The following COL5A3 variants were observed in gnomAD, a reference collection of about 807,000 sequenced individuals.
COL5A3 encodes the protein collagen alpha-3(V) chain.
In COL5A3, 172 loss-of-function variants were observed where a neutral mutation model predicts 250.0. That is an observed-to-expected ratio of 0.69 (90% CI 0.61 to 0.78). The LOEUF (loss-of-function observed/expected upper bound fraction) is 0.78. COL5A3 is among the 30% of genes least tolerant of loss of function. The pLI is 0.00. For missense variants in COL5A3, 2,340 were observed against 2,334.4 expected (o/e 1.00, Z -0.05); for synonymous variants, 937 against 900.4 (o/e 1.04, Z -0.73).
chr19:10,005,216 G>T (rs916816997), intron 4 of COL5A3, among the ~76,000 whole-genome samples: 13 of 152,106 alleles, frequency 8.5e-5, no homozygotes, highest in African/African-American at 2.9e-4. Flanking sequence ...AATTAGCTGG[G>T]CGTGGTGGCA....
At position 9,991,814 on chromosome 19, in the gene COL5A3, C is replaced by G; in HGVS notation, c.1921G>C (p.Gly641Arg). The change falls in exon 23 of 67, where the codon GGA (glycine) becomes CGA (arginine). Residue 641 changes from glycine (G) to arginine (R), a missense_variant. By Grantham distance (125) the Gly-to-Arg change is moderately radical. Coordinates refer to ENST00000264828, the MANE Select transcript of COL5A3 (RefSeq NM_015719.4). ...TGGGACCCATGGTTTCCCTGCTGTC[C>G]CGGAGGGCCTGGTTCTCCTGGAGGA... ...VGPPGEPGPPGQQGNHGSQGL... is the reference protein window; with the variant it reads ...VGPPGEPGPPRQQGNHGSQGL... The G allele has an allele frequency of 6.2e-7, 1 of 1,608,820 alleles. No homozygotes were observed. The highest frequency in any genetic ancestry group is 8.5e-7 in the Non-Finnish European group (1 of 1,177,742).
intron 65 of COL5A3, among the ~76,000 whole-genome samples, chr19:9,961,329 A>G (rs2086669200): frequency 1.3e-5 from 2 of 152,066 alleles, no homozygotes; most frequent in Admixed American, 6.6e-5. Flanking sequence ...GGCTGATTTG[A>G]AGGAGGGATT....
chr19:9,969,663 C>T lies in COL5A3; in HGVS notation c.4010G>A (p.Gly1337Glu), dbSNP rs868047902. ...KGAKGEPGPD[G>E]PPGRTGPMGA... is the part of the protein sequence containing the mutation. ...CATTGGACCCGTCCTCCCTGGGGGC[C>T]CATCAGGACCTGGCTCCCCCTGAAA... is the stretch of plus-strand genomic sequence containing the variant. Residue 1337 changes from glycine to glutamate, a missense_variant, in exon 56 of 67, where the codon GGG becomes GAG. By Grantham distance (98) the Gly-to-Glu change is moderately conservative. Transcript: ENST00000264828. The T allele has an allele frequency of 6.3e-7, 1 of 1,586,938 alleles. No homozygotes were observed. Among genetic ancestry groups the T allele is most frequent in the South Asian group, 1.2e-5 (1 of 86,622 alleles).
chr19:9,992,403 C>CT (rs754243301), intron 21 of COL5A3, among the ~76,000 whole-genome samples: 1 of 147,554 alleles, frequency 6.8e-6, no homozygotes, highest in Non-Finnish European at 1.5e-5. Flanking sequence ...GAGCAAAACT[C>CT]TGTCTAAAAA....
chr19:9,978,305 C>G (rs1460026648), intron 41 of COL5A3, among the ~76,000 whole-genome samples: 1 of 151,316 alleles, frequency 6.6e-6, no homozygotes, highest in Admixed American at 6.6e-5. Context: ...CTCATTGCAA[C>G]CTCCACCTCC....
rs771676967 is a variant in COL5A3 at position 9,979,974 on chromosome 19, A to G, written c.2658+20T>C. On this transcript the variant is annotated intron_variant, in intron 36 of 66. Coordinates refer to ENST00000264828, the MANE Select transcript of COL5A3 (RefSeq NM_015719.4). Reference sequence around the variant, plus strand: ...ACATCCTCCACCCACCCAACCCCCAATGAGGGTGACCTCACTCACAGGGGG... The same window carrying G: ...ACATCCTCCACCCACCCAACCCCCAGTGAGGGTGACCTCACTCACAGGGGG... 5.7e-6 allele frequency: 9 copies of G among 1,579,422 alleles called. No individual in the cohort carries two copies. The highest frequency in any genetic ancestry group is 4.6e-5 in the East Asian group (2 of 43,714).
chr19:9,984,848 T>A (rs1281544238), intron 31 of COL5A3, among the ~76,000 whole-genome samples: 3 of 151,756 alleles, frequency 2.0e-5, no homozygotes, highest in Admixed American at 2.0e-4. Flanking sequence ...TGGGGTGCAG[T>A]GGCTCGATCA....
At chr19:9,973,077 A>G (rs1334676090) in intron 50 of COL5A3, 51 bp from the exon 51 acceptor site, 10 of 1,485,192 alleles carry the variant, frequency 6.7e-6, no homozygotes, top group Non-Finnish European at 9.2e-6. Flanking sequence ...TCCAGGGATC[A>G]AGGATTAGCA....
At chr19:9,974,472 C>G in intron 45 of COL5A3, 64 bp from the exon 46 acceptor site, 1 of 1,258,796 alleles carries the variant, frequency 7.9e-7, no homozygotes, top group Admixed American at 2.5e-5. Context: ...GAGTGAGGCT[C>G]AAGGGTCAAG....
chr19:9,972,892 C>G (rs770016112), intron 51 of COL5A3, 27 bp downstream of exon 51: 2 of 1,518,914 alleles, frequency 1.3e-6, no homozygotes, highest in Non-Finnish European at 1.8e-6. Flanking sequence ...CCTCCCATGT[C>G]TGCCCCCACT....
intron 49 of COL5A3, 47 bp from the exon 50 acceptor site, chr19:9,973,670 C>A: frequency 6.2e-7 from 1 of 1,610,676 alleles, no homozygotes; most frequent in Non-Finnish European, 8.5e-7. Flanking sequence ...TCCTAGCAGA[C>A]AGGGAGGGGC....
chr19:9,986,701 C>T lies in COL5A3; in HGVS notation c.2190+13G>A, dbSNP rs766849196. ...GGACTCCCTCTCCTCTGATGAGTTCCTTCTCTCCTCACCTTCTCGCCTTTC... is the reference window on the plus strand; with the variant it reads ...GGACTCCCTCTCCTCTGATGAGTTCTTTCTCTCCTCACCTTCTCGCCTTTC... On this transcript the variant is annotated intron_variant, in intron 28 of 66. Coordinates refer to ENST00000264828, the MANE Select transcript of COL5A3 (RefSeq NM_015719.4). The T allele has an allele frequency of 1.2e-6, 2 of 1,613,906 alleles. No homozygotes were observed. Among genetic ancestry groups the T allele is most frequent in the Middle Eastern group, 1.6e-4 (1 of 6,062 alleles).
intron 47 of COL5A3, 41 bp from the exon 48 acceptor site, chr19:9,974,013 CT>C (rs749978017): frequency 6.6e-7 from 1 of 1,525,266 alleles, no homozygotes; most frequent in Non-Finnish European, 8.8e-7. Flanking sequence ...CCCCAGGCCC[CT>C]CTCCCCAAAA....
chr19:9,966,598 G>A lies in COL5A3; in HGVS notation c.4607C>T (p.Thr1536Ile). Residue 1536 changes from threonine to isoleucine, a missense_variant, in exon 63 of 67, where the codon ACT becomes ATT. Physicochemically the swap from Thr to Ile is moderately conservative, Grantham distance 89 (BLOSUM62 -1). Around this residue, in one of 3 missense-constraint regions of COL5A3, gnomAD observed 1,179 missense variants for 1,162.6 expected, o/e 1.01. Transcript: ENST00000264828. ...ELEQLRRPPG[T>I]AERPGLVCHE... ...GCACACGAGGCCCGGGCGCTCCGCA[G>A]TGCCGGGAGGACGCCGCAGCTGCTC... 1 of 1,540,558 alleles carries A rather than the reference G, an allele frequency of 6.5e-7. No individual in the cohort carries two copies. Among genetic ancestry groups the A allele is most frequent in the Non-Finnish European group, 8.7e-7 (1 of 1,147,164 alleles).
rs756469748 is a variant in COL5A3, at chr19:9,962,814, C to T, written c.4851+5G>A. The T allele has an allele frequency of 2.5e-6, 4 of 1,608,470 alleles. No homozygotes were observed. Among genetic ancestry groups the T allele is most frequent in the Non-Finnish European group, 3.4e-6 (4 of 1,177,022 alleles). The stretch of plus-strand genomic sequence containing the variant: ...TCACTCCCCATCTCGGCCTCGGTGA[C>T]TCACCTTCTTCCCTCGACGGAATGT... On this transcript the variant is annotated splice_donor_5th_base_variant and intron_variant, in intron 65 of 66. Transcript: ENST00000264828.
Position 9,999,373 on chromosome 19 carries a change from T to A in COL5A3, c.1111-1224A>T, listed in dbSNP as rs547786173. ...CATGCCCAGCTATTTTTTATTTTAT[T>A]TTTTTGTAGAGACAGGGTCTTGCTA... On this transcript the variant is annotated intron_variant, in intron 8 of 66. Transcript: ENST00000264828. 4.7e-3 allele frequency among the ~76,000 whole-genome samples: 705 copies of A among 151,104 alleles called. 11 individuals carry two copies. Among genetic ancestry groups the A allele is most frequent in the African/African-American group, 0.016 (637 of 40,736 alleles).
At chr19:9,967,454 C>A in intron 61 of COL5A3, 54 bp from the exon 62 acceptor site, 1 of 1,260,764 alleles carries the variant, frequency 7.9e-7, no homozygotes, top group Non-Finnish European at 1.1e-6. Flanking sequence ...ACCCTTCCCA[C>A]CAACATACAC....
At chr19:9,990,392 C>CAA (rs879496349) in intron 24 of COL5A3, among the ~76,000 whole-genome samples, 17 of 81,816 alleles carry the variant, frequency 2.1e-4, no homozygotes, top group Non-Finnish European at 2.6e-4. Flanking sequence ...GAAATTCTGT[C>CAA]AAAAAAAAAA....
chr19:9,992,862 C>G lies in COL5A3; in HGVS notation c.1813G>C (p.Gly605Arg). The change falls in exon 21 of 67, where the codon GGC becomes CGC. Residue 605 changes from glycine to arginine, a missense_variant. Around this residue, in one of 3 missense-constraint regions of COL5A3, gnomAD observed 1,152 missense variants for 1,146.3 expected, o/e 1.00. Coordinates refer to ENST00000264828, the MANE Select transcript of COL5A3 (RefSeq NM_015719.4). ...GTGGGGCCAGGAGAGCCTCTGGGGC[C>G]AAGCAGTCCTCGTGGACCCTGCAAG... ...AGEPGPRGLL[G>R]PRGSPGPTGR... 1 of 1,614,168 alleles carries G rather than the reference C, an allele frequency of 6.2e-7. No individual in the cohort carries two copies. Among genetic ancestry groups the G allele is most frequent in the Non-Finnish European group, 8.5e-7 (1 of 1,180,000 alleles).
Sources: allele counts gnomAD v4.1 joint callset (sites outside exome capture counted in the v4.1 genomes callset), GRCh38; gene constraint gnomAD v4.1.1; regional missense constraint gnomAD v4.1.1; transcripts MANE v1.5; gene names NCBI Gene and HGNC (gene_info 2026-07-23, HGNC 2026-07-21).